The following ZC3H3 variants were observed in gnomAD, a reference collection of about 807,000 sequenced individuals.
ZC3H3 encodes zinc finger CCCH-type containing 3.
Under a neutral mutation model 77.3 loss-of-function variants are expected in ZC3H3, and 36 were observed. That is an observed-to-expected ratio of 0.47 (90% CI 0.36 to 0.61). The LOEUF (loss-of-function observed/expected upper bound fraction) is 0.61. Ranked by LOEUF, ZC3H3 falls within the 20% of genes least tolerant of loss-of-function variation. The pLI, the probability that ZC3H3 is intolerant of heterozygous loss-of-function variation, is 0.00. For synonymous variants in ZC3H3, 626 were observed against 555.2 expected (o/e 1.13, Z -1.79); for missense variants, 1,331 against 1,312.2 (o/e 1.01, Z -0.22).
chr8:143,526,803 C>T (rs1328138947), intron 3 of ZC3H3, among the ~76,000 whole-genome samples: 1 of 152,170 alleles, frequency 6.6e-6, no homozygotes, highest in Admixed American at 6.5e-5. Flanking sequence ...AAAGCCGCCT[C>T]AGTGCCCAGA....
chr8:143,497,418 C>G (rs980449009), intron 4 of ZC3H3, among the ~76,000 whole-genome samples: 1 of 152,174 alleles, frequency 6.6e-6, no homozygotes, highest in Non-Finnish European at 1.5e-5. Context: ...AGGAAGCTGC[C>G]CCCGAAGGTG....
At chr8:143,448,674 T>C (rs1586875222) in intron 9 of ZC3H3, among the ~76,000 whole-genome samples, 1 of 152,328 alleles carries the variant, frequency 6.6e-6, no homozygotes, top group East Asian at 1.9e-4. Context: ...TCCAGGTGCA[T>C]GGTGCAAGCT....
chr8:143,495,606 CAG>C (rs1305023261), intron 4 of ZC3H3, among the ~76,000 whole-genome samples: 2 of 152,108 alleles, frequency 1.3e-5, no homozygotes, highest in East Asian at 1.9e-4. Flanking sequence ...GTTTTTGAGA[CAG>C]AGTCTCACTT....
intron 3 of ZC3H3, among the ~76,000 whole-genome samples, chr8:143,535,971 G>A (rs1285297737): frequency 6.6e-6 from 1 of 152,192 alleles, no homozygotes; most frequent in Non-Finnish European, 1.5e-5. Flanking sequence ...AGCAGCCGCC[G>A]CCCTCTCCTC....
intron 3 of ZC3H3, among the ~76,000 whole-genome samples, chr8:143,522,096 G>T (rs1239565991): frequency 6.6e-6 from 1 of 152,182 alleles, no homozygotes. Context: ...GCCCCCTGAC[G>T]CCTGGTCCTC....
rs370522880 is a variant in ZC3H3, at chr8:143,468,314, C to T, written c.2106-36G>A. ...AGGAGAAACGGGTATGAGGAAGGGC[C>T]GGCAGGGACCAAGGGCAGGGCCCTG... On this transcript the variant is annotated intron_variant, in intron 7 of 11. Transcript: ENST00000262577. 1.7e-5 allele frequency: 28 copies of T among 1,611,820 alleles called. 1 individual carries two copies. The South Asian group carries it at 1.8e-4, about 10-fold the overall frequency.
intron 3 of ZC3H3, among the ~76,000 whole-genome samples, chr8:143,510,567 T>A (rs954712928): frequency 8.5e-5 from 13 of 152,188 alleles, no homozygotes; most frequent in Non-Finnish European, 5.9e-5. Flanking sequence ...AAAGTCAGGC[T>A]GCAGGAAGGA....
At chr8:143,532,296 G>A (rs373853777) in intron 3 of ZC3H3, among the ~76,000 whole-genome samples, 1 of 152,392 alleles carries the variant, frequency 6.6e-6, no homozygotes, top group African/African-American at 2.4e-5. Flanking sequence ...CCACTGGGCC[G>A]CACGGCAAGG....
intron 3 of ZC3H3, among the ~76,000 whole-genome samples, chr8:143,516,500 G>A (rs531783142): frequency 9.2e-4 from 139 of 150,678 alleles, no homozygotes; most frequent in Non-Finnish European, 1.4e-3. Flanking sequence ...TCAAAGCCTC[G>A]TCAGCGCGAA....
intron 5 of ZC3H3, among the ~76,000 whole-genome samples, chr8:143,470,365 C>G (rs370448547): frequency 6.6e-6 from 1 of 152,164 alleles, no homozygotes; most frequent in African/African-American, 2.4e-5. Context: ...AAACCTGAGG[C>G]GTGTGGGGGG....
chr8:143,510,916 G>A lies in ZC3H3; in HGVS notation c.1562-3017C>T, dbSNP rs188254949. Among the ~76,000 whole-genome samples the A allele has an allele frequency of 3.9e-4, 59 of 152,246 alleles. No individual in the cohort carries two copies. In the East Asian group the frequency reaches 8.1e-3, roughly 21 times the overall value. On this transcript the variant is annotated intron_variant, in intron 3 of 11. Transcript: ENST00000262577. ...TTTATTGCCGGCGATGCCCCGGCCC[G>A]CGTTATCAGCCCCACACACGCAGCC... is the stretch of plus-strand genomic sequence containing the variant.
At chr8:143,478,653 G>A (rs143765988) in intron 4 of ZC3H3, among the ~76,000 whole-genome samples, 1 of 152,210 alleles carries the variant, frequency 6.6e-6, no homozygotes, top group Non-Finnish European at 1.5e-5. Flanking sequence ...GGGATTACAG[G>A]CATGTGCCAA....
chr8:143,526,266 A>G (rs1029543354), intron 3 of ZC3H3, among the ~76,000 whole-genome samples: 1 of 152,012 alleles, frequency 6.6e-6, no homozygotes, highest in Non-Finnish European at 1.5e-5. Flanking sequence ...AGGCTGGCCC[A>G]CCAGTCACAG....
chr8:143,469,968 A>AG (rs1265792811), intron 5 of ZC3H3, among the ~76,000 whole-genome samples: 2 of 152,234 alleles, frequency 1.3e-5, no homozygotes, highest in African/African-American at 4.8e-5. Context: ...TGGTTTAAAA[A>AG]GGGATGTCCC....
chr8:143,537,009 C>T (rs925405383), intron 2 of ZC3H3, among the ~76,000 whole-genome samples: 2 of 151,756 alleles, frequency 1.3e-5, no homozygotes, highest in African/African-American at 2.4e-5. Flanking sequence ...ATCTGGGGGA[C>T]GAGGGCCAGA....
chr8:143,535,274 A>C, intron 3 of ZC3H3, among the ~76,000 whole-genome samples: 1 of 152,070 alleles, frequency 6.6e-6, no homozygotes, highest in Non-Finnish European at 1.5e-5. Flanking sequence ...CCTGGCCTCA[A>C]GTGATCTTCC....
chr8:143,537,266 G>T (rs1822831628), intron 2 of ZC3H3, among the ~76,000 whole-genome samples: 1 of 152,220 alleles, frequency 6.6e-6, no homozygotes, highest in South Asian at 2.1e-4. Context: ...CTGCCTGGCT[G>T]CCTGGCCAAG....
rs185566628 is a variant in ZC3H3, at chr8:143,454,579, T to G, written c.2307+11138A>C. Among the ~76,000 whole-genome samples the G allele has an allele frequency of 2.7e-3, 411 of 151,934 alleles. 1 individual carries two copies. Among genetic ancestry groups the G allele is most frequent in the East Asian group, 5.6e-3 (29 of 5,150 alleles). On this transcript the variant is annotated intron_variant, in intron 9 of 11. Transcript: ENST00000262577. ...TGCCACCATGCCCAGTTAATTTTTT[T>G]TGTGTGTGTTTTTAGTAGAGACAGG...
At chr8:143,521,267 G>A (rs1325035899) in intron 3 of ZC3H3, among the ~76,000 whole-genome samples, 1 of 152,252 alleles carries the variant, frequency 6.6e-6, no homozygotes, top group Non-Finnish European at 1.5e-5. Context: ...GGGCTACCGA[G>A]CACACCAAGA....
Sources: allele counts gnomAD v4.1 joint callset (sites outside exome capture counted in the v4.1 genomes callset), GRCh38; gene constraint gnomAD v4.1.1; transcripts MANE v1.5; gene names NCBI Gene and HGNC (gene_info 2026-07-23, HGNC 2026-07-21).